RLF: variants seen among roughly 807,000 people sequenced by gnomAD.
RLF encodes zinc finger protein Rlf.
A neutral mutation model predicts 162.9 loss-of-function variants in RLF; 7 were observed. The ratio of observed to expected loss-of-function variants is 0.04; its 90% CI spans 0.02 to 0.08. The LOEUF (loss-of-function observed/expected upper bound fraction) is 0.08. RLF is among the 10% of genes least tolerant of loss of function. RLF has a pLI of 1.00. For synonymous variants in RLF, 782 were observed against 791.5 expected, an observed-to-expected ratio of 0.99 and a Z score of 0.20; for missense variants, 1,664 against 2,244.7, an observed-to-expected ratio of 0.74 and a Z score of 5.23.
At position 40,237,475 on chromosome 1, in the gene RLF, G is replaced by T. The variant is rs370163357; in HGVS notation, c.2773G>T (p.Val925Leu). Residue 925 changes from valine (V) to leucine (L), a missense_variant, in exon 8 of 8, where the codon GTA becomes TTA. Val to Leu is a conservative substitution (Grantham distance 32, BLOSUM62 1). Around this residue, in one of 15 missense-constraint regions of RLF, gnomAD observed 295 missense variants for 317.4 expected, o/e 0.93. Transcript: ENST00000372771. The surrounding 1 kb of genome is among the most constrained non-coding windows in gnomAD (Gnocchi z 4.4). The stretch of plus-strand genomic sequence containing the variant: ...AGATCACTCTGAAACTATGCAGGAT[G>T]TATTGTTATCTAATGAGAAAGTCTT... Reference protein sequence around the residue: ...TLDHSETMQDVLLSNEKVFGP... With the variant: ...TLDHSETMQDLLLSNEKVFGP... 6.2e-7 allele frequency: 1 copy of T among 1,614,066 alleles called. No individual in the cohort carries two copies. Among genetic ancestry groups the T allele is most frequent in the East Asian group, 2.2e-5 (1 of 44,876 alleles).
At position 40,222,619 on chromosome 1, in the gene RLF, C is replaced by T. The variant is rs747226002; in HGVS notation, c.856C>T (p.Leu286=). ...GGAAGTACTAGACATCATTTGTAATCTGGAATCTGAGGGGCAGGATAACAC... is the reference window on the plus strand; with the variant it reads ...GGAAGTACTAGACATCATTTGTAATTTGGAATCTGAGGGGCAGGATAACAC... ...CKEVLDIICN[L]ESEGQDNTAF... The change falls in exon 6 of 8, where the codon CTG becomes TTG. Residue 286 remains leucine (L), a synonymous_variant. Transcript: ENST00000372771. 1.2e-6 allele frequency: 2 copies of T among 1,613,538 alleles called. No individual in the cohort carries two copies. The highest frequency in any genetic ancestry group is 8.5e-7 in the Non-Finnish European group (1 of 1,179,758).
At chr1:40,204,128 G>A (rs1410156641) in intron 5 of RLF, among the ~76,000 whole-genome samples, 1 of 148,764 alleles carries the variant, frequency 6.7e-6, no homozygotes. Context: ...CAATTCTCCT[G>A]CCTCAGCCTC....
In RLF at chr1:40,237,715, A is replaced by G. The variant is rs1300074999; in HGVS notation, c.3013A>G (p.Thr1005Ala). Residue 1005 changes from threonine (T) to alanine (A), a missense_variant, in exon 8 of 8, where the codon ACT (threonine) becomes GCT (alanine). This residue lies in a region of RLF where 295 missense variants were observed against 317.4 expected (regional missense o/e 0.93). Coordinates refer to ENST00000372771, the MANE Select transcript of RLF (RefSeq NM_012421.4). This position sits in a 1 kb window ranked among gnomAD's most constrained non-coding sequence, Gnocchi z 4.4. Reference protein sequence around the residue: ...PSLGNEHNQTTEKLDAEPKPC... With the variant: ...PSLGNEHNQTAEKLDAEPKPC... Reference sequence around the variant, plus strand: ...TTTGGGTAATGAACATAATCAGACAACTGAAAAGTTGGATGCAGAACCTAA... The same window carrying G: ...TTTGGGTAATGAACATAATCAGACAGCTGAAAAGTTGGATGCAGAACCTAA... 1.9e-6 allele frequency: 3 copies of G among 1,614,130 alleles called. No homozygotes were observed. Among genetic ancestry groups the G allele is most frequent in the Non-Finnish European group, 8.5e-7 (1 of 1,179,992 alleles).
In RLF at chr1:40,239,546, A is replaced by G. The variant is rs752402799; in HGVS notation, c.4844A>G (p.Asn1615Ser). The G allele has an allele frequency of 2.5e-6, 4 of 1,614,020 alleles. No individual in the cohort carries two copies. In the Admixed American group the frequency reaches 6.7e-5, roughly 27 times the overall value. ...GATCCCTGTATAAAGAAAGAAGAAA[A>G]TAGAAGCTGTGAATCAGAGCGCACA... ...EADPCIKKEE[N>S]RSCESERTEH... Residue 1615 changes from asparagine (N) to serine (S), a missense_variant, in exon 8 of 8, where the codon AAT becomes AGT. By Grantham distance (46) the Asn-to-Ser change is conservative. Coordinates refer to ENST00000372771, the MANE Select transcript of RLF (RefSeq NM_012421.4).
intron 1 of RLF, among the ~76,000 whole-genome samples, chr1:40,176,533 A>G (rs556322451): frequency 1.3e-3 from 200 of 152,288 alleles, no homozygotes; most frequent in African/African-American, 4.5e-3. Context: ...TCTGCCTCCC[A>G]GGCTCAGGTG....
rs779879201 is a variant in RLF at position 40,235,881 on chromosome 1, A to G, written c.1179A>G (p.Ser393=). The G allele has an allele frequency of 1.2e-6, 2 of 1,614,052 alleles. No individual in the cohort carries two copies. Among genetic ancestry groups the G allele is most frequent in the Non-Finnish European group, 1.7e-6 (2 of 1,179,902 alleles). ...RSSEDEEMKA[S]VCKTIACLLP... ...GTGAAGATGAGGAAATGAAGGCATC[A>G]GTTTGTAAAACAATTGCCTGTCTTT... The change falls in exon 8 of 8, where the codon TCA becomes TCG. Residue 393 remains serine (S), a synonymous_variant. Transcript: ENST00000372771.
chr1:40,217,537 C>T (rs1642940362), intron 5 of RLF, among the ~76,000 whole-genome samples: 1 of 151,860 alleles, frequency 6.6e-6, no homozygotes, highest in African/African-American at 2.4e-5. Flanking sequence ...TTTGGGAAGC[C>T]GAGGCGAGCA....
intron 1 of RLF, among the ~76,000 whole-genome samples, chr1:40,185,543 A>AAAT (rs1557742330): frequency 7.9e-6 from 1 of 126,630 alleles, no homozygotes; most frequent in East Asian, 2.4e-4. Flanking sequence ...AAAAAAAAAA[A>AAAT]GCCGGGCGCA....
intron 4 of RLF, among the ~76,000 whole-genome samples, chr1:40,199,617 G>A (rs1253450061): frequency 1.3e-5 from 2 of 152,148 alleles, no homozygotes; most frequent in South Asian, 2.1e-4. Context: ...ACTGTTCTTC[G>A]AGAAAACTAA....
chr1:40,228,037 T>C (rs998474107), intron 6 of RLF, among the ~76,000 whole-genome samples: 2 of 151,936 alleles, frequency 1.3e-5, no homozygotes, highest in Non-Finnish European at 2.9e-5. Context: ...GTAATCCCAG[T>C]ACTCTGGGAG....
chr1:40,222,668 A>G lies in RLF; in HGVS notation c.905A>G (p.Tyr302Cys). ...ACAGCATTTGTTCTTTGTACGACTT[A>G]CCTTACCCAGCAGCTCCAAACTGCA... Reference protein sequence around the residue: ...DNTAFVLCTTYLTQQLQTASV... With the variant: ...DNTAFVLCTTCLTQQLQTASV... The change falls in exon 6 of 8, where the codon TAC becomes TGC. Residue 302 changes from tyrosine to cysteine, a missense_variant. Physicochemically the swap from Tyr to Cys is radical, Grantham distance 194. This residue lies in a region of RLF where 287 missense variants were observed against 404.9 expected (regional missense o/e 0.71). Coordinates refer to ENST00000372771, the MANE Select transcript of RLF (RefSeq NM_012421.4). 6.2e-7 allele frequency: 1 copy of G among 1,613,478 alleles called. No homozygotes were observed. Among genetic ancestry groups the G allele is most frequent in the Non-Finnish European group, 8.5e-7 (1 of 1,179,862 alleles).
chr1:40,230,188 A>T (rs1449406671), intron 6 of RLF, among the ~76,000 whole-genome samples: 2 of 151,928 alleles, frequency 1.3e-5, no homozygotes, highest in Admixed American at 6.6e-5. Flanking sequence ...ATAAGAAAAT[A>T]AATTCCGTTA....
At chr1:40,173,001 A>G (rs528875714) in intron 1 of RLF, among the ~76,000 whole-genome samples, 4 of 151,392 alleles carry the variant, frequency 2.6e-5, no homozygotes, top group African/African-American at 9.7e-5. Flanking sequence ...TATTAAACTT[A>G]TTAATATTTG....
At position 40,204,699 on chromosome 1, in the gene RLF, G is replaced by A. The variant is rs140967968; in HGVS notation, c.810+2085G>A. Among the ~76,000 whole-genome samples the A allele has an allele frequency of 9.3e-4, 141 of 152,170 alleles. 1 individual carries two copies. The East Asian group carries it at 0.022, about 24-fold the overall frequency. On this transcript the variant is annotated intron_variant, in intron 5 of 7. Transcript: ENST00000372771. ...AGCCTCCCAAAGTGCTGGGATTACAGGTGTGAGCCACTCACTGCACCCAGC... is the reference window on the plus strand; with the variant it reads ...AGCCTCCCAAAGTGCTGGGATTACAAGTGTGAGCCACTCACTGCACCCAGC...
intron 3 of RLF, among the ~76,000 whole-genome samples, chr1:40,195,243 G>A (rs1342236137): frequency 6.6e-6 from 1 of 151,154 alleles, no homozygotes; most frequent in Non-Finnish European, 1.5e-5. Flanking sequence ...GAGGTCAGGA[G>A]TTCAAGACCA....
At chr1:40,171,014 G>A (rs1448255782) in intron 1 of RLF, among the ~76,000 whole-genome samples, 1 of 87,332 alleles carries the variant, frequency 1.1e-5, no homozygotes, top group African/African-American at 6.2e-5. Flanking sequence ...TAGTGTTTTT[G>A]TTTGTTTGTT....
chr1:40,217,803 C>T (rs1404986257), intron 5 of RLF, among the ~76,000 whole-genome samples: 1 of 152,000 alleles, frequency 6.6e-6, no homozygotes, highest in African/African-American at 2.4e-5. Flanking sequence ...AAAAACCCAA[C>T]TCCTACTTAA....
chr1:40,199,496 C>G (rs1642681650), intron 4 of RLF, among the ~76,000 whole-genome samples: 1 of 152,176 alleles, frequency 6.6e-6, no homozygotes, highest in Non-Finnish European at 1.5e-5. Flanking sequence ...TCAGAGAGGT[C>G]AGTTAATTTG....
rs780330321 is a variant in RLF at position 40,222,607 on chromosome 1, A to G, written c.844A>G (p.Ile282Val). ...GGTCGACTGCAAGGAAGTACTAGAC[A>G]TCATTTGTAATCTGGAATCTGAGGG... ...AKVDCKEVLDIICNLESEGQD... is the reference protein window; with the variant it reads ...AKVDCKEVLDVICNLESEGQD... The change falls in exon 6 of 8, where the codon ATC becomes GTC. Residue 282 changes from isoleucine (I) to valine (V), a missense_variant. Physicochemically the swap from Ile to Val is conservative, Grantham distance 29. This residue lies in a region of RLF where 287 missense variants were observed against 404.9 expected (regional missense o/e 0.71). Coordinates refer to ENST00000372771, the MANE Select transcript of RLF (RefSeq NM_012421.4). 1 of 1,613,636 alleles carries G rather than the reference A, an allele frequency of 6.2e-7. No homozygotes were observed. The highest frequency in any genetic ancestry group is 8.5e-7 in the Non-Finnish European group (1 of 1,179,792).
Sources: allele counts gnomAD v4.1 joint callset (sites outside exome capture counted in the v4.1 genomes callset), GRCh38; gene constraint gnomAD v4.1.1; regional missense constraint gnomAD v4.1.1; non-coding constraint Gnocchi (gnomAD v3.1); transcripts MANE v1.5; gene names NCBI Gene and HGNC (gene_info 2026-07-23, HGNC 2026-07-21).